Variants in SLC25A25 observed in about 807,000 individuals in gnomAD.
The protein encoded by SLC25A25 is solute carrier family 25 member 25.
A neutral mutation model predicts 57.7 loss-of-function variants in SLC25A25; 32 were observed. The ratio of observed to expected loss-of-function variants is 0.55; its 90% CI spans 0.42 to 0.74. The LOEUF is 0.74. Among genes scored for constraint, SLC25A25 ranks in the 30% least tolerant of loss-of-function variants. SLC25A25 has a pLI of 0.00. For synonymous variants in SLC25A25, 306 were observed against 291.2 expected, an observed-to-expected ratio of 1.05 and a Z score of -0.52; for missense variants, 556 against 701.3, an observed-to-expected ratio of 0.79 and a Z score of 2.34.
chr9:128,098,548 C>T, intron 1 of SLC25A25: 1 of 1,604,276 alleles, frequency 6.2e-7, no homozygotes, highest in Non-Finnish European at 8.5e-7. Context: ...GGCAGTGGAG[C>T]ACCCAGCAGG....
intron 1 of SLC25A25, among the ~76,000 whole-genome samples, chr9:128,082,731 C>T (rs1469066429): frequency 6.6e-5 from 10 of 152,096 alleles, no homozygotes; most frequent in African/African-American, 1.2e-4. Flanking sequence ...CTGCAACCTC[C>T]GCCTCCCGGA....
intron 1 of SLC25A25, chr9:128,098,885 T>G (rs1320848244): frequency 1.0e-6 from 1 of 985,282 alleles, no homozygotes; most frequent in African/African-American, 1.7e-5. Flanking sequence ...CACGTGTACG[T>G]CACAGGAGTG....
chr9:128,105,559 C>T (rs1833989503), intron 6 of SLC25A25, among the ~76,000 whole-genome samples, 170 bp from the exon 7 acceptor site: 1 of 152,216 alleles, frequency 6.6e-6, no homozygotes, highest in Non-Finnish European at 1.5e-5. Context: ...CTGAGCCTCA[C>T]TTAGCCGTGT....
At chr9:128,098,382 T>C in intron 1 of SLC25A25, 1 of 1,202,712 alleles carries the variant, frequency 8.3e-7, no homozygotes, top group Non-Finnish European at 1.1e-6. Flanking sequence ...CTGTGTTCAT[T>C]GGCTGTTGGC....
rs75132622 is a variant in SLC25A25 at position 128,098,446 on chromosome 9, G to C, written c.262-2650G>C. 8 of 1,460,606 alleles carry C rather than the reference G, an allele frequency of 5.5e-6. No homozygotes were observed. In the East Asian group the frequency reaches 1.5e-4, roughly 27 times the overall value. 90.5% of individuals were successfully genotyped at this position (1,460,606 alleles called of 1,614,324 possible). A position where few individuals can be genotyped will look rare whatever the true frequency, so the allele number is the denominator to read the frequency against. ...TTTTTCAATTAAGTAAAAGGGCAGG[G>C]CTTAAGCAGCCAATGACAGCTGAGG... On this transcript the variant is annotated intron_variant, in intron 1 of 10. Coordinates refer to ENST00000373069, the MANE Select transcript of SLC25A25 (RefSeq NM_001330988.2).
chr9:128,102,333 A>G lies in SLC25A25; in HGVS notation c.513-37A>G, dbSNP rs958471356. 1.2e-5 allele frequency: 19 copies of G among 1,573,090 alleles called. No homozygotes were observed. The highest frequency in any genetic ancestry group is 1.7e-5 in the Non-Finnish European group (19 of 1,144,006). On this transcript the variant is annotated intron_variant, in intron 4 of 10. Coordinates refer to ENST00000373069, the MANE Select transcript of SLC25A25 (RefSeq NM_001330988.2). This position sits in a 1 kb window ranked among gnomAD's most constrained non-coding sequence, Gnocchi z 4.1. ...GGGGGGATGCAGCTGGCGGATGGGC[A>G]TGTGGGCACGTGGGCAGCCTCGCCT...
At chr9:128,097,675 C>T (rs943095571) in intron 1 of SLC25A25, among the ~76,000 whole-genome samples, 5 of 152,190 alleles carry the variant, frequency 3.3e-5, no homozygotes, top group African/African-American at 9.7e-5. Flanking sequence ...GTGTTCTGAG[C>T]GGACGTGGGC....
In SLC25A25 at chr9:128,090,087, C is replaced by T. The variant is rs185470518; in HGVS notation, c.262-11009C>T. 1.6e-4 allele frequency among the ~76,000 whole-genome samples: 24 copies of T among 152,278 alleles called. No individual in the cohort carries two copies. The East Asian group carries it at 2.7e-3, about 17-fold the overall frequency. On this transcript the variant is annotated intron_variant, in intron 1 of 10. Transcript: ENST00000373069. The stretch of plus-strand genomic sequence containing the variant: ...CTCTCAAAGCCCCAAGTGTCCTCCC[C>T]GCCCCACACCCTCTCTTCAATTTAA...
rs1164372041 is a variant in SLC25A25 at position 128,095,783 on chromosome 9, C to A, written c.262-5313C>A. On this transcript the variant is annotated intron_variant, in intron 1 of 10. Coordinates refer to ENST00000373069, the MANE Select transcript of SLC25A25 (RefSeq NM_001330988.2). This position sits in a 1 kb window ranked among gnomAD's most constrained non-coding sequence, Gnocchi z 4.4. ...CAAGATCGCGCCACTGCACTCCAGC[C>A]TGGGCGACAGAGCAAGACTCCATCT... 6.6e-6 allele frequency among the ~76,000 whole-genome samples: 1 copy of A among 152,060 alleles called. No homozygotes were observed. Among genetic ancestry groups the A allele is most frequent in the Non-Finnish European group, 1.5e-5 (1 of 68,020 alleles).
chr9:128,082,831 C>T (rs927250206), intron 1 of SLC25A25, among the ~76,000 whole-genome samples: 17 of 152,024 alleles, frequency 1.1e-4, no homozygotes, highest in Admixed American at 7.2e-4. Context: ...TGGGGTTTCA[C>T]CATGTTGGCC....
chr9:128,091,935 G>A (rs1833418885), intron 1 of SLC25A25: 1 of 1,613,836 alleles, frequency 6.2e-7, no homozygotes. Flanking sequence ...CACGGCTCCA[G>A]AGAGGGGGAC....
chr9:128,086,664 C>G (rs1404930382), intron 1 of SLC25A25, among the ~76,000 whole-genome samples: 1 of 151,706 alleles, frequency 6.6e-6, no homozygotes, highest in Admixed American at 6.6e-5. Flanking sequence ...TTTCTAGAGA[C>G]AGGGTCTTAC....
chr9:128,086,855 TAC>T (rs899385736), intron 1 of SLC25A25, among the ~76,000 whole-genome samples: 2 of 152,218 alleles, frequency 1.3e-5, no homozygotes, highest in African/African-American at 4.8e-5. Context: ...ATTTTACTGT[TAC>T]ACACGTTATA....
rs1183296951 is a variant in SLC25A25 at position 128,068,518 on chromosome 9, G to T, written c.199G>T (p.Val67Phe). ...LDVNRDGGLC[V>F]NDLAVGLRRL... The stretch of plus-strand genomic sequence containing the variant: ...CGTCAACCGGGACGGCGGCCTGTGT[G>T]TCAACGACCTGGCGGTGGGGCTGCG... Residue 67 changes from valine to phenylalanine, a missense_variant, in exon 1 of 11, where the codon GTC (valine) becomes TTC (phenylalanine). By Grantham distance (50) the Val-to-Phe change is conservative. This residue lies in a region of SLC25A25 where 248 missense variants were observed against 273.5 expected (regional missense o/e 0.91). Transcript: ENST00000373069. 3 of 1,500,966 alleles carry T rather than the reference G, an allele frequency of 2.0e-6. No homozygotes were observed. Among genetic ancestry groups the T allele is most frequent in the Middle Eastern group, 1.8e-4 (1 of 5,708 alleles). The allele number at this position is 1,500,966 out of a possible 1,614,324, so 93.0% of individuals were successfully genotyped here.
At chr9:128,092,654 C>T (rs963230170) in intron 1 of SLC25A25, among the ~76,000 whole-genome samples, 1 of 152,252 alleles carries the variant, frequency 6.6e-6, no homozygotes, top group African/African-American at 2.4e-5. Context: ...TGACTGCGGC[C>T]GCTGCGGGTC....
At position 128,101,221 on chromosome 9, in the gene SLC25A25, T is replaced by C. The variant is rs1833779667; in HGVS notation, c.387T>C (p.Asp129=). The C allele has an allele frequency of 6.2e-7, 1 of 1,614,234 alleles. No individual in the cohort carries two copies. The highest frequency in any genetic ancestry group is 8.5e-7 in the Non-Finnish European group (1 of 1,180,040). Residue 129 remains aspartate (D), a splice_region_variant and synonymous_variant, in exon 2 of 11, where the codon GAT becomes GAC. Transcript: ENST00000373069. This position sits in a 1 kb window ranked among gnomAD's most constrained non-coding sequence, Gnocchi z 4.9. The stretch of plus-strand genomic sequence containing the variant: ...TTAAGAGTTTGGACAAAAAGAATGA[T>C]GGTAAGTGTTGCCTTCAGAGCTGTG... ...LVFKSLDKKN[D]GRIDAQEIMQ...
rs1380616969 is a variant in SLC25A25 at position 128,102,188 on chromosome 9, A to G, written c.512+73A>G. On this transcript the variant is annotated intron_variant, in intron 4 of 10. Transcript: ENST00000373069. This position sits in a 1 kb window ranked among gnomAD's most constrained non-coding sequence, Gnocchi z 4.1. ...GATCAGAGCGGGATTCTTGTGGGCC[A>G]TTATATTGCCATTGTTGTGCTAAGT... is the stretch of plus-strand genomic sequence containing the variant. 3.3e-6 allele frequency: 5 copies of G among 1,527,358 alleles called. No individual in the cohort carries two copies. The highest frequency in any genetic ancestry group is 2.8e-5 in the African/African-American group (2 of 72,504). 94.6% of individuals were successfully genotyped at this position (1,527,358 alleles called of 1,614,324 possible).
At chr9:128,106,587 T>G in intron 9 of SLC25A25, 67 bp downstream of exon 9, 4 of 1,503,968 alleles carry the variant, frequency 2.7e-6, no homozygotes, top group Non-Finnish European at 3.5e-6. Context: ...GTCTCCCTCC[T>G]TGACGGACGC....
chr9:128,089,315 A>G (rs1399234849), intron 1 of SLC25A25, among the ~76,000 whole-genome samples: 1 of 152,210 alleles, frequency 6.6e-6, no homozygotes, highest in Non-Finnish European at 1.5e-5. Context: ...TAATAGCTCC[A>G]TGTACTGTCC....
Sources: gnomAD v4.1 joint callset for allele counts (sites outside exome capture counted in the v4.1 genomes callset) on GRCh38, gnomAD v4.1.1 for gene constraint, gnomAD v4.1.1 regional missense constraint, Gnocchi (gnomAD v3.1) non-coding constraint, MANE v1.5 for transcripts, NCBI Gene and HGNC (gene_info 2026-07-23, HGNC 2026-07-21) for gene names.